The following FURIN variants were observed in gnomAD, a reference collection of about 807,000 sequenced individuals.
The protein encoded by FURIN is furin, paired basic amino acid cleaving enzyme.
Under a neutral mutation model 89.2 loss-of-function variants are expected in FURIN, and 18 were observed. The ratio of observed to expected loss-of-function variants is 0.20; its 90% CI spans 0.14 to 0.30. The LOEUF is 0.30. Among genes scored for constraint, FURIN ranks in the 10% least tolerant of loss-of-function variants. The pLI is 1.00. For missense variants in FURIN, 879 were observed against 1,100.5 expected, an observed-to-expected ratio of 0.80 and a Z score of 2.85; for synonymous variants, 508 against 466.4, an observed-to-expected ratio of 1.09 and a Z score of -1.15.
rs2031983073 is a variant in FURIN, at chr15:90,881,658, G to A, written c.2165G>A (p.Cys722Tyr). 1 of 1,586,310 alleles carries A rather than the reference G, an allele frequency of 6.3e-7. No individual in the cohort carries two copies. The highest frequency in any genetic ancestry group is 1.3e-5 in the African/African-American group (1 of 74,204). ...HLPEVVAGLS[C>Y]AFIVLVFVTV... is the part of the protein sequence containing the mutation. The stretch of plus-strand genomic sequence containing the variant: ...CCTGAGGTGGTGGCCGGCCTCAGCT[G>A]CGCCTTCATCGTGCTGGTCTTCGTC... Residue 722 changes from cysteine to tyrosine, a missense_variant, in exon 16 of 16, where the codon TGC becomes TAC. Transcript: ENST00000268171. This position sits in a 1 kb window ranked among gnomAD's most constrained non-coding sequence, Gnocchi z 4.3.
Position 90,881,243 on chromosome 15 carries a change from C to A in FURIN, c.1793-43C>A. 1 of 1,453,688 alleles carries A rather than the reference C, an allele frequency of 6.9e-7. No individual in the cohort carries two copies. The highest frequency in any genetic ancestry group is 1.2e-5 in the South Asian group (1 of 80,680). The allele number at this position is 1,453,688 out of a possible 1,614,324, so 90.0% of individuals were successfully genotyped here. ...GCTGCTGTGGTCCTGGGGCTACAGT[C>A]TGTTTAGCTGACACACACTTGCCCT... On this transcript the variant is annotated intron_variant, in intron 15 of 15. Transcript: ENST00000268171. The surrounding 1 kb of genome is among the most constrained non-coding windows in gnomAD (Gnocchi z 4.3).
At chr15:90,870,936 G>A (rs1371511234) in intron 1 of FURIN, among the ~76,000 whole-genome samples, 3 of 152,222 alleles carry the variant, frequency 2.0e-5, no homozygotes, top group Non-Finnish European at 4.4e-5. Flanking sequence ...CCTGGTGCCT[G>A]GCAAGCGGTT....
intron 9 of FURIN, 44 bp downstream of exon 9, chr15:90,879,020 G>A (rs1437639280): frequency 7.8e-7 from 1 of 1,279,888 alleles, no homozygotes. Flanking sequence ...TGGGGCTGCT[G>A]GCTGGCTCTG....
At chr15:90,877,473 C>T (rs1054606521) in intron 6 of FURIN, 54 bp from the exon 7 acceptor site, 15 of 1,399,842 alleles carry the variant, frequency 1.1e-5, no homozygotes, top group African/African-American at 4.3e-5. Flanking sequence ...CCACATCTGC[C>T]GGGCCCTGTT....
Position 90,876,400 on chromosome 15 carries a change from C to A in FURIN, c.276+47C>A. 1 of 1,496,676 alleles carries A rather than the reference C, an allele frequency of 6.7e-7. No individual in the cohort carries two copies. The highest frequency in any genetic ancestry group is 9.3e-7 in the Non-Finnish European group (1 of 1,073,132). The allele number at this position is 1,496,676 out of a possible 1,614,324, so 92.7% of individuals were successfully genotyped here. A position where few individuals can be genotyped will look rare whatever the true frequency, so the allele number is the denominator to read the frequency against. Reference sequence around the variant, plus strand: ...TCCTGCTGCCACCCTCCCCCTCCTGCTCTCAGGAGCCCCTCTCGCCTCCTG... The same window carrying A: ...TCCTGCTGCCACCCTCCCCCTCCTGATCTCAGGAGCCCCTCTCGCCTCCTG... On this transcript the variant is annotated intron_variant, in intron 3 of 15. Transcript: ENST00000268171. The surrounding 1 kb of genome is among the most constrained non-coding windows in gnomAD (Gnocchi z 5.0).
In FURIN at chr15:90,881,327, C is replaced by G; in HGVS notation, c.1834C>G (p.Gln612Glu). ...GFSLHQKSCV[Q>E]HCPPGFAPQV... ...CTCCCTGCACCAGAAGAGCTGTGTC[C>G]AGCACTGCCCTCCAGGGTTCGCCCC... Residue 612 changes from glutamine to glutamate, a missense_variant, in exon 16 of 16, where the codon CAG (glutamine) becomes GAG (glutamate). Physicochemically the swap from Gln to Glu is conservative, Grantham distance 29 (BLOSUM62 2). Coordinates refer to ENST00000268171, the MANE Select transcript of FURIN (RefSeq NM_002569.4). This position sits in a 1 kb window ranked among gnomAD's most constrained non-coding sequence, Gnocchi z 4.3. 1.9e-6 allele frequency: 3 copies of G among 1,612,140 alleles called. No individual in the cohort carries two copies. Among genetic ancestry groups the G allele is most frequent in the Non-Finnish European group, 2.5e-6 (3 of 1,179,216 alleles).
intron 1 of FURIN, among the ~76,000 whole-genome samples, chr15:90,872,723 G>A (rs1202980465): frequency 3.3e-5 from 5 of 152,232 alleles, no homozygotes; most frequent in Non-Finnish European, 2.9e-5. Context: ...ATAGTGGGCA[G>A]GGACTGGGAG....
Position 90,881,429 on chromosome 15 carries a change from G to A in FURIN, c.1936G>A (p.Ala646Thr), listed in dbSNP as rs749777024. ...IRASVCAPCHASCATCQGPAL... is the reference protein window; with the variant it reads ...IRASVCAPCHTSCATCQGPAL... ...GGCCAGCGTCTGCGCCCCCTGCCAC[G>A]CCTCATGTGCCACATGCCAGGGGCC... Residue 646 changes from alanine (A) to threonine (T), a missense_variant, in exon 16 of 16, where the codon GCC (alanine) becomes ACC (threonine). Ala to Thr is a moderately conservative substitution (Grantham distance 58, BLOSUM62 0). Transcript: ENST00000268171. The surrounding 1 kb of genome is among the most constrained non-coding windows in gnomAD (Gnocchi z 4.3). The A allele has an allele frequency of 6.2e-6, 10 of 1,612,474 alleles. No individual in the cohort carries two copies. Among genetic ancestry groups the A allele is most frequent in the Non-Finnish European group, 7.6e-6 (9 of 1,179,896 alleles).
intron 2 of FURIN, 49 bp downstream of exon 2, chr15:90,875,966 C>T (rs1264877803): frequency 6.9e-7 from 1 of 1,440,462 alleles, no homozygotes; most frequent in Middle Eastern, 1.9e-4. Flanking sequence ...CCAGAGAAGA[C>T]AGGGATTCTG....
rs2151224135 is a variant in FURIN at position 90,877,179 on chromosome 15, C to T, written c.546C>T (p.Pro182=). ...SFDVNDQDPD[P]QPRYTQMNDN... Reference sequence around the variant, plus strand: ...ATGTCAATGACCAGGACCCTGACCCCCAGCCTCGGTACACACAGATGAATG... The same window carrying T: ...ATGTCAATGACCAGGACCCTGACCCTCAGCCTCGGTACACACAGATGAATG... The change falls in exon 6 of 16, where the codon CCC becomes CCT. Residue 182 remains proline (P), a synonymous_variant. Transcript: ENST00000268171. 6.2e-7 allele frequency: 1 copy of T among 1,611,966 alleles called. No homozygotes were observed. Among genetic ancestry groups the T allele is most frequent in the East Asian group, 2.2e-5 (1 of 44,880 alleles).
intron 1 of FURIN, among the ~76,000 whole-genome samples, chr15:90,872,227 G>A (rs2031355094): frequency 6.6e-6 from 1 of 151,960 alleles, no homozygotes; most frequent in Non-Finnish European, 1.5e-5. Flanking sequence ...GCCGGCGCAG[G>A]TAGGTCCCTG....
chr15:90,881,169 C>A lies in FURIN; in HGVS notation c.1793-117C>A. On this transcript the variant is annotated intron_variant, in intron 15 of 15. Coordinates refer to ENST00000268171, the MANE Select transcript of FURIN (RefSeq NM_002569.4). This position sits in a 1 kb window ranked among gnomAD's most constrained non-coding sequence, Gnocchi z 4.3. ...GGGCCCCTGGGGCTCTTGGGATGAC[C>A]ACAGTCCTGGGGCTGGAGGATCCTG... 1 of 1,100,724 alleles carries A rather than the reference C, an allele frequency of 9.1e-7. No individual in the cohort carries two copies. Among genetic ancestry groups the A allele is most frequent in the Non-Finnish European group, 1.3e-6 (1 of 745,176 alleles). 68.2% of individuals were successfully genotyped at this position (1,100,724 alleles called of 1,614,324 possible).
Position 90,875,635 on chromosome 15 carries a change from C to G in FURIN, c.-106C>G. On this transcript the variant is annotated 5_prime_UTR_variant, in exon 2 of 16. Transcript: ENST00000268171. ...TGCCCGTCTCGGCCCCATGCCCCCACCAGTCAGCCCCGGGCCACAGGCAGT... is the reference window on the plus strand; with the variant it reads ...TGCCCGTCTCGGCCCCATGCCCCCAGCAGTCAGCCCCGGGCCACAGGCAGT... 9.9e-7 allele frequency: 1 copy of G among 1,015,108 alleles called. No individual in the cohort carries two copies. Among genetic ancestry groups the G allele is most frequent in the Non-Finnish European group, 1.4e-6 (1 of 713,960 alleles). 62.9% of individuals were successfully genotyped at this position (1,015,108 alleles called of 1,614,324 possible). A position where few individuals can be genotyped will look rare whatever the true frequency, so the allele number is the denominator to read the frequency against.
At chr15:90,880,547 G>A (rs183161214) in intron 13 of FURIN, 144 bp from the exon 14 acceptor site, 1 of 899,204 alleles carries the variant, frequency 1.1e-6, no homozygotes, top group Non-Finnish European at 1.7e-6. Context: ...GGCTCACTGA[G>A]AAACAGCCAA....
At chr15:90,880,842 G>T in intron 14 of FURIN, 27 bp downstream of exon 14, 1 of 1,611,630 alleles carries the variant, frequency 6.2e-7, no homozygotes, top group Non-Finnish European at 8.5e-7. Context: ...AGGGGTAGGG[G>T]TACGAGGTGG....
chr15:90,873,346 A>C (rs2031425508), intron 1 of FURIN, among the ~76,000 whole-genome samples: 1 of 152,138 alleles, frequency 6.6e-6, no homozygotes, highest in Non-Finnish European at 1.5e-5. Flanking sequence ...GAGTGCTGCA[A>C]GGTAATTAAA....
At position 90,876,719 on chromosome 15, in the gene FURIN, G is replaced by A. The variant is rs1235738593; in HGVS notation, c.372+162G>A. Reference sequence around the variant, plus strand: ...GGCCCATCCTAATAAGCAAGCCTGGGGGTGGCCCTCCCAGAGTCCTCTACA... The same window carrying A: ...GGCCCATCCTAATAAGCAAGCCTGGAGGTGGCCCTCCCAGAGTCCTCTACA... On this transcript the variant is annotated intron_variant, in intron 4 of 15. Transcript: ENST00000268171. The surrounding 1 kb of genome is among the most constrained non-coding windows in gnomAD (Gnocchi z 5.0). Among the ~76,000 whole-genome samples, 1 of 152,158 alleles carries A rather than the reference G, an allele frequency of 6.6e-6. No homozygotes were observed. The highest frequency in any genetic ancestry group is 1.9e-4 in the East Asian group (1 of 5,192).
In FURIN at chr15:90,876,367, C is replaced by T. The variant is rs746051882; in HGVS notation, c.276+14C>T. 5.7e-6 allele frequency: 9 copies of T among 1,582,632 alleles called. No individual in the cohort carries two copies. The highest frequency in any genetic ancestry group is 4.4e-5 in the South Asian group (4 of 90,512). On this transcript the variant is annotated intron_variant, in intron 3 of 15. Transcript: ENST00000268171. This position sits in a 1 kb window ranked among gnomAD's most constrained non-coding sequence, Gnocchi z 5.0. ...AGGGAGCCTCAAGTGAGTGTGGCCC[C>T]AGCCCCCTCCTGCTGCCACCCTCCC...
intron 1 of FURIN, among the ~76,000 whole-genome samples, chr15:90,871,776 G>C (rs111417372): frequency 0.072 from 10,673 of 149,022 alleles, 537 homozygotes; most frequent in Non-Finnish European, 0.11. Context: ...GTGCAGCCCT[G>C]ACCCGGGTCC....
Sources: allele counts gnomAD v4.1 joint callset (sites outside exome capture counted in the v4.1 genomes callset), GRCh38; gene constraint gnomAD v4.1.1; non-coding constraint Gnocchi (gnomAD v3.1); transcripts MANE v1.5; gene names NCBI Gene and HGNC (gene_info 2026-07-23, HGNC 2026-07-21).